Variants in TRPM1 observed in about 807,000 individuals in gnomAD.
TRPM1 encodes TRPM1-203 APA Isoform, Intron 10.
A neutral mutation model predicts 149.4 loss-of-function variants in TRPM1; 113 were observed. The ratio of observed to expected loss-of-function variants is 0.76; its 90% CI spans 0.65 to 0.88. The LOEUF is 0.88. Ranked by LOEUF, TRPM1 falls within the 40% of genes least tolerant of loss-of-function variation. TRPM1 has a pLI of 0.00. For synonymous variants in TRPM1, 741 were observed against 759.5 expected, an observed-to-expected ratio of 0.98 and a Z score of 0.40; for missense variants, 1,976 against 2,038.7, an observed-to-expected ratio of 0.97 and a Z score of 0.59.
chr15:31,021,420 G>A (rs1387383991), intron 27 of TRPM1, among the ~76,000 whole-genome samples: 2 of 152,194 alleles, frequency 1.3e-5, no homozygotes, highest in Non-Finnish European at 2.9e-5. Context: ...CCAGGATGGG[G>A]CATGATGTCT....
At chr15:31,072,008 TATATATATATAG>T (rs1376770099) in intron 3 of TRPM1, among the ~76,000 whole-genome samples, 748 of 34,652 alleles carry the variant, frequency 0.022, 4 homozygotes, top group East Asian at 0.15. Context: ...TATATATATA[TATATATATATAG>T]AGAGAGAGAG....
chr15:31,126,626 T>A (rs930686555), intron 1 of TRPM1, among the ~76,000 whole-genome samples: 1 of 151,214 alleles, frequency 6.6e-6, no homozygotes, highest in South Asian at 2.1e-4. Context: ...AGATTTTTTT[T>A]ATTAGGCATT....
chr15:31,104,742 TGCCACCACGCCCG>T (rs2035577094), upstream of TRPM1, among the ~76,000 whole-genome samples: 1 of 151,934 alleles, frequency 6.6e-6, no homozygotes, highest in South Asian at 2.1e-4. Flanking sequence ...TACAGGTGCC[TGCCACCACGCCCG>T]GCCAATTTTT....
At chr15:31,161,057 A>G in exon 1 of TRPM1, 2 of 1,245,108 alleles carry the variant, frequency 1.6e-6, no homozygotes, top group Non-Finnish European at 2.3e-6. Context: ...GAGCGGAGCC[A>G]CACACTCGGC....
chr15:31,113,393 G>T (rs1426535618), intron 1 of TRPM1, among the ~76,000 whole-genome samples: 3 of 151,142 alleles, frequency 2.0e-5, no homozygotes, highest in Non-Finnish European at 4.4e-5. Flanking sequence ...TCTCCAAAGG[G>T]TCACCTATGC....
intron 1 of TRPM1, among the ~76,000 whole-genome samples, chr15:31,145,823 G>C (rs549577774): frequency 6.6e-6 from 1 of 151,954 alleles, no homozygotes; most frequent in East Asian, 1.9e-4. Context: ...TTGGTTATAG[G>C]GTTGTCTAGT....
At chr15:31,147,036 T>C (rs901334533) in intron 1 of TRPM1, among the ~76,000 whole-genome samples, 1 of 152,240 alleles carries the variant, frequency 6.6e-6, no homozygotes, top group Non-Finnish European at 1.5e-5. Context: ...GTTTCTGTTT[T>C]CTTCAGCCCT....
intron 11 of TRPM1, among the ~76,000 whole-genome samples, chr15:31,055,088 C>T (rs1181512492): frequency 6.6e-6 from 1 of 152,132 alleles, no homozygotes; most frequent in Non-Finnish European, 1.5e-5. Flanking sequence ...TTCTTATGTC[C>T]TCCCTACCAC....
chr15:31,105,457 G>C (rs1343963637), upstream of TRPM1, among the ~76,000 whole-genome samples: 6 of 145,316 alleles, frequency 4.1e-5, no homozygotes, highest in Admixed American at 1.3e-4. Context: ...GTGTGTGTGT[G>C]TGTGTGTGTG....
chr15:31,045,965 G>A (rs1445530766), intron 16 of TRPM1, among the ~76,000 whole-genome samples: 2 of 152,036 alleles, frequency 1.3e-5, no homozygotes, highest in East Asian at 3.8e-4. Flanking sequence ...TTCCTCTCTA[G>A]TTTTTTTGTT....
intron 1 of TRPM1, among the ~76,000 whole-genome samples, chr15:31,098,575 T>C (rs1437335209): frequency 1.3e-5 from 2 of 152,174 alleles, no homozygotes; most frequent in Admixed American, 1.3e-4. Context: ...TGTAGTATGC[T>C]TTTTAATGAT....
intron 1 of TRPM1, among the ~76,000 whole-genome samples, chr15:31,144,995 C>T (rs536576941): frequency 4.9e-4 from 75 of 152,236 alleles, no homozygotes; most frequent in Non-Finnish European, 8.2e-4. Context: ...AGATTACAGG[C>T]GTGAGCCACC....
chr15:31,128,974 G>A (rs1163007814), intron 1 of TRPM1, among the ~76,000 whole-genome samples: 2 of 152,242 alleles, frequency 1.3e-5, no homozygotes, highest in Non-Finnish European at 2.9e-5. Context: ...CATCATCTGC[G>A]CTTCCAGCCA....
intron 7 of TRPM1, among the ~76,000 whole-genome samples, chr15:31,065,583 G>T (rs965797436): frequency 3.9e-5 from 6 of 152,128 alleles, no homozygotes; most frequent in African/African-American, 1.4e-4. Context: ...GACCAGCAAG[G>T]ATGATGCCCC....
chr15:31,029,537 A>G (rs2032962657), intron 23 of TRPM1, 146 bp from the exon 24 acceptor site: 2 of 793,032 alleles, frequency 2.5e-6, no homozygotes, highest in Non-Finnish European at 4.3e-6. Context: ...CAAATATTTT[A>G]AGCTTGGGAA....
rs2034396691 is a variant in TRPM1 at position 31,067,075 on chromosome 15, C to G, written c.606G>C (p.Leu202=). 6.2e-7 allele frequency: 1 copy of G among 1,614,144 alleles called. No individual in the cohort carries two copies. The highest frequency in any genetic ancestry group is 2.2e-5 in the East Asian group (1 of 44,886). The change falls in exon 6 of 28, where the codon CTG becomes CTC. Residue 202 remains leucine (L), a synonymous_variant. Transcript: ENST00000256552. ...PWGIVENKED[L]VGKDVTRVYQ... is the part of the protein sequence containing the mutation. Reference sequence around the variant, plus strand: ...AGAAAACACTTACATCCTTTCCAACCAGGTCTTCCTTATTCTCCACGATGC... The same window carrying G: ...AGAAAACACTTACATCCTTTCCAACGAGGTCTTCCTTATTCTCCACGATGC...
At chr15:31,038,258 A>T (rs916406036) in intron 18 of TRPM1, 92 bp from the exon 19 acceptor site, 3 of 1,424,542 alleles carry the variant, frequency 2.1e-6, no homozygotes, top group Non-Finnish European at 2.9e-6. Context: ...CTTCAACATT[A>T]TTCAATAACC....
rs777974355 is a variant in TRPM1 at position 31,029,400 on chromosome 15, C to T, written c.3128-9G>A. Reference sequence around the variant, plus strand: ...AATTTCCATGGCGTAGACTACATGACGATTGGAAAGCAGGATTTTTGTTTT... The same window carrying T: ...AATTTCCATGGCGTAGACTACATGATGATTGGAAAGCAGGATTTTTGTTTT... On this transcript the variant is annotated splice_polypyrimidine_tract_variant and intron_variant, in intron 23 of 27. Coordinates refer to ENST00000256552, the MANE Select transcript of TRPM1 (RefSeq NM_001252024.2). The T allele has an allele frequency of 3.1e-5, 50 of 1,613,464 alleles. No homozygotes were observed. Among genetic ancestry groups the T allele is most frequent in the East Asian group, 1.6e-4 (7 of 44,814 alleles).
intron 1 of TRPM1, among the ~76,000 whole-genome samples, chr15:31,086,163 G>A (rs1446448757): frequency 3.3e-5 from 5 of 152,220 alleles, no homozygotes; most frequent in African/African-American, 1.2e-4. Context: ...CTGAAGAAAA[G>A]GGTGGGACCA....
Sources: allele counts gnomAD v4.1 joint callset (sites outside exome capture counted in the v4.1 genomes callset), GRCh38; gene constraint gnomAD v4.1.1; transcripts MANE v1.5; gene names NCBI Gene and HGNC (gene_info 2026-07-23, HGNC 2026-07-21).